Variants in CTIF observed in about 807,000 individuals in gnomAD.
The protein encoded by CTIF is CBP80/20-dependent translation initiation factor.
CTIF carries 21 observed loss-of-function variants against 66.0 expected under a neutral mutation model. That is an observed-to-expected ratio of 0.32 (90% CI 0.23 to 0.46). CTIF has a LOEUF of 0.46. Among genes scored for constraint, CTIF ranks in the 20% least tolerant of loss-of-function variants. The probability of loss-of-function intolerance (pLI) is 1.00; values close to 1 mark genes in which losing one functional copy is unlikely to be tolerated. For missense variants in CTIF, 739 were observed against 812.7 expected (o/e 0.91, Z 1.10); for synonymous variants, 345 against 326.4 (o/e 1.06, Z -0.62).
At chr18:48,709,689 C>A (rs1036951036) in intron 6 of CTIF, among the ~76,000 whole-genome samples, 1 of 152,128 alleles carries the variant, frequency 6.6e-6, no homozygotes, top group African/African-American at 2.4e-5. Context: ...CAGCCCAGAG[C>A]CTAGTCAGGG....
intron 9 of CTIF, among the ~76,000 whole-genome samples, chr18:48,765,066 T>G (rs914124691): frequency 6.6e-6 from 1 of 152,200 alleles, no homozygotes; most frequent in Non-Finnish European, 1.5e-5. Context: ...GCATAATTCA[T>G]GGCCCCTCAC....
intron 1 of CTIF, among the ~76,000 whole-genome samples, chr18:48,580,656 C>T (rs932642507): frequency 3.9e-5 from 6 of 152,202 alleles, no homozygotes; most frequent in Non-Finnish European, 8.8e-5. Flanking sequence ...TCGGGACCCT[C>T]TCTGACTGGG....
intron 6 of CTIF, among the ~76,000 whole-genome samples, chr18:48,678,242 GAA>G (rs984346397): frequency 1.3e-5 from 2 of 151,936 alleles, no homozygotes; most frequent in South Asian, 4.2e-4. Context: ...AAAATGGAAA[GAA>G]AAAAAGAGAA....
intron 6 of CTIF, among the ~76,000 whole-genome samples, chr18:48,696,886 A>G (rs1003019746): frequency 6.6e-6 from 1 of 152,206 alleles, no homozygotes; most frequent in African/African-American, 2.4e-5. Context: ...TGTTGTCACC[A>G]TGCAGCCAGT....
chr18:48,559,366 A>G (rs1301123646), intron 1 of CTIF, among the ~76,000 whole-genome samples: 2 of 152,054 alleles, frequency 1.3e-5, no homozygotes, highest in African/African-American at 4.8e-5. Flanking sequence ...ACCCCCCCCA[A>G]TCCTAACAAA....
chr18:48,767,122 T>C (rs950458494), intron 9 of CTIF, among the ~76,000 whole-genome samples: 2 of 152,186 alleles, frequency 1.3e-5, no homozygotes, highest in Non-Finnish European at 2.9e-5. Flanking sequence ...CAGACTAGAC[T>C]GACTAACTAG....
At chr18:48,576,649 C>T (rs533231788) in intron 1 of CTIF, among the ~76,000 whole-genome samples, 1 of 152,190 alleles carries the variant, frequency 6.6e-6, no homozygotes, top group Non-Finnish European at 1.5e-5. Flanking sequence ...TAAGTCTCTC[C>T]GTAATACCAA....
rs145845564 is a variant in CTIF, at chr18:48,793,123, A to G, written c.1372-24098A>G. Among the ~76,000 whole-genome samples the G allele has an allele frequency of 5.4e-3, 819 of 152,304 alleles. 1 individual carries two copies. The highest frequency in any genetic ancestry group is 8.8e-3 in the Non-Finnish European group (600 of 68,010). On this transcript the variant is annotated intron_variant, in intron 9 of 11. Transcript: ENST00000256413. Reference sequence around the variant, plus strand: ...GGGCTCTGACTCCACCGCTGTCACAACAGGCCAACTGCAGGAGAGAGGCTT... The same window carrying G: ...GGGCTCTGACTCCACCGCTGTCACAGCAGGCCAACTGCAGGAGAGAGGCTT...
chr18:48,743,663 A>G (rs2145765547), intron 7 of CTIF, among the ~76,000 whole-genome samples: 1 of 152,384 alleles, frequency 6.6e-6, no homozygotes, highest in Non-Finnish European at 1.5e-5. Context: ...CTGTATTCAT[A>G]AATGTTATTA....
At chr18:48,684,652 CTTT>C (rs994325150) in intron 6 of CTIF, among the ~76,000 whole-genome samples, 1 of 152,086 alleles carries the variant, frequency 6.6e-6, no homozygotes, top group Non-Finnish European at 1.5e-5. Flanking sequence ...CTTTCCTTTT[CTTT>C]ATTTTGCAAA....
At chr18:48,556,470 A>G (rs1011432419) in intron 1 of CTIF, among the ~76,000 whole-genome samples, 1 of 152,234 alleles carries the variant, frequency 6.6e-6, no homozygotes, top group East Asian at 1.9e-4. Flanking sequence ...TCAGTGATTC[A>G]CAGGTGCACA....
chr18:48,812,684 G>T (rs960739845), intron 9 of CTIF, among the ~76,000 whole-genome samples: 4 of 151,254 alleles, frequency 2.6e-5, no homozygotes, highest in Non-Finnish European at 5.9e-5. Context: ...AGCCTAAGAG[G>T]TCGAGGCTGC....
chr18:48,745,259 T>C (rs545596667), intron 7 of CTIF, among the ~76,000 whole-genome samples: 202 of 152,346 alleles, frequency 1.3e-3, no homozygotes, highest in African/African-American at 4.6e-3. Context: ...TTATAGGCAC[T>C]GTAGTGATGT....
chr18:48,802,571 C>T (rs910281278), intron 9 of CTIF, among the ~76,000 whole-genome samples: 2 of 152,238 alleles, frequency 1.3e-5, no homozygotes, highest in African/African-American at 4.8e-5. Flanking sequence ...CAAGGAGCCT[C>T]ATCCTCCAGT....
At chr18:48,581,298 G>A (rs1026323392) in intron 1 of CTIF, among the ~76,000 whole-genome samples, 6 of 151,704 alleles carry the variant, frequency 4.0e-5, no homozygotes, top group Admixed American at 2.0e-4. Flanking sequence ...TAACTTATCT[G>A]CCCTGTGTCG....
At chr18:48,558,167 CA>C (rs1315721996) in intron 1 of CTIF, among the ~76,000 whole-genome samples, 3 of 152,154 alleles carry the variant, frequency 2.0e-5, no homozygotes, top group African/African-American at 7.2e-5. Context: ...GTAGAACACA[CA>C]ATGATTTTCA....
intron 1 of CTIF, among the ~76,000 whole-genome samples, chr18:48,573,491 G>C (rs2089465244): frequency 6.6e-6 from 1 of 152,296 alleles, no homozygotes; most frequent in East Asian, 1.9e-4. Flanking sequence ...CTGATGTACA[G>C]TGTGTACATT....
intron 7 of CTIF, among the ~76,000 whole-genome samples, chr18:48,726,529 C>T (rs1043249764): frequency 6.6e-6 from 1 of 152,092 alleles, no homozygotes; most frequent in African/African-American, 2.4e-5. Context: ...CAGCCTCCTT[C>T]ACAAGGTGGT....
intron 3 of CTIF, among the ~76,000 whole-genome samples, chr18:48,651,112 T>A (rs945466684): frequency 6.6e-6 from 1 of 152,166 alleles, no homozygotes; most frequent in Non-Finnish European, 1.5e-5. Context: ...CCAGCTAACA[T>A]CATAATGACA....
Sources: allele counts gnomAD v4.1 joint callset (sites outside exome capture counted in the v4.1 genomes callset), GRCh38; gene constraint gnomAD v4.1.1; transcripts MANE v1.5; gene names NCBI Gene and HGNC (gene_info 2026-07-23, HGNC 2026-07-21).